ZNF718: variants seen among roughly 807,000 people sequenced by gnomAD.
The protein encoded by ZNF718 is zinc finger protein 718.
ZNF718 carries 3 observed loss-of-function variants against 2.6 expected under a neutral mutation model. That is an observed-to-expected ratio of 1.16 (90% CI 0.53 to 3.01). ZNF718 has a LOEUF of 3.01. ZNF718 is among the 30% of genes most tolerant of loss of function. ZNF718 has a pLI of 0.03. For missense variants in ZNF718, 468 were observed against 230.0 expected (o/e 2.03, Z -6.69); for synonymous variants, 135 against 77.9 (o/e 1.73, Z -3.86).
Position 161,907 on chromosome 4 carries a change from G to GC in ZNF718, c.1223dup (p.Asn409LysfsTer4), listed in dbSNP as rs782649338. 2.6e-6 allele frequency: 2 copies of GC among 779,486 alleles called. No homozygotes were observed. Among genetic ancestry groups the GC allele is most frequent in the Non-Finnish European group, 4.8e-6 (2 of 417,510 alleles). 48.3% of individuals were successfully genotyped at this position (779,486 alleles called of 1,614,324 possible). A position where few individuals can be genotyped will look rare whatever the true frequency, so the allele number is the denominator to read the frequency against. The stretch of plus-strand genomic sequence containing the variant: ...TTGTGGCAAAGCCTTTAAAGTGTTT[G>GC]CAAACCTGCATAATCATAAGAAAAT... On this transcript the variant is annotated frameshift_variant, in exon 4 of 4. Transcript: ENST00000510175. LOFTEE classifies it low-confidence loss of function (END_TRUNC).
chr4:160,110 G>A (rs1234701559), intron 3 of ZNF718, among the ~76,000 whole-genome samples: 1 of 152,108 alleles, frequency 6.6e-6, no homozygotes, highest in South Asian at 2.1e-4. Flanking sequence ...TTTACCTTTG[G>A]TCTCAGCAGA....
chr4:179,584 A>T (rs1717424690), intron 3 of ZNF718, among the ~76,000 whole-genome samples: 1 of 152,212 alleles, frequency 6.6e-6, no homozygotes, highest in Non-Finnish European at 1.5e-5. Flanking sequence ...TAAGGTGAAG[A>T]GAAAGAGTAC....
chr4:200,159 A>G (rs2108819578), intron 3 of ZNF718, among the ~76,000 whole-genome samples: 1 of 152,358 alleles, frequency 6.6e-6, no homozygotes, highest in South Asian at 2.1e-4. Context: ...ATATACACAA[A>G]CACTGCAGAC....
At chr4:165,511 T>G (rs145055423), downstream of ZNF718, among the ~76,000 whole-genome samples, 35 of 152,278 alleles carry the variant, frequency 2.3e-4, no homozygotes, top group East Asian at 2.3e-3. Flanking sequence ...TAGAAATTAA[T>G]TTCTAGGCCG....
At chr4:167,737 A>C (rs1225372380), downstream of ZNF718, among the ~76,000 whole-genome samples, 2 of 152,142 alleles carry the variant, frequency 1.3e-5, no homozygotes, top group Non-Finnish European at 2.9e-5. Flanking sequence ...CTATCAGCTT[A>C]AGGAGATTTT....
At chr4:196,349 G>T (rs1226848586) in intron 3 of ZNF718, among the ~76,000 whole-genome samples, 1 of 152,188 alleles carries the variant, frequency 6.6e-6, no homozygotes, top group Admixed American at 6.5e-5. Flanking sequence ...AATTGGGAGG[G>T]ACACCAGAGA....
chr4:175,208 GT>G (rs1331504020), intron 3 of ZNF718, among the ~76,000 whole-genome samples: 1 of 152,150 alleles, frequency 6.6e-6, no homozygotes, highest in African/African-American at 2.4e-5. Context: ...ACCAACAACC[GT>G]TTTACCCCGC....
chr4:197,880 G>A (rs1381891658), intron 3 of ZNF718, among the ~76,000 whole-genome samples: 2 of 152,224 alleles, frequency 1.3e-5, no homozygotes, highest in Non-Finnish European at 2.9e-5. Context: ...TGGATGACTA[G>A]ATGAATGAAT....
intron 3 of ZNF718, chr4:149,712 T>G (rs1716229805): frequency 6.6e-6 from 1 of 152,174 alleles, no homozygotes; most frequent in African/African-American, 2.4e-5. Flanking sequence ...ATTTATTTTC[T>G]TTGGTGGTCA....
chr4:175,382 A>G (rs1717326362), intron 3 of ZNF718, among the ~76,000 whole-genome samples: 1 of 152,222 alleles, frequency 6.6e-6, no homozygotes, highest in Non-Finnish European at 1.5e-5. Flanking sequence ...AACCCTGGAA[A>G]GACTTTAAGG....
chr4:183,396 T>C (rs1007962388), intron 3 of ZNF718, among the ~76,000 whole-genome samples: 1 of 152,156 alleles, frequency 6.6e-6, no homozygotes, highest in Non-Finnish European at 1.5e-5. Flanking sequence ...TATTTTGGTT[T>C]CTGTAGCCCT....
chr4:182,385 G>C (rs190053988), intron 3 of ZNF718, among the ~76,000 whole-genome samples: 58 of 151,668 alleles, frequency 3.8e-4, no homozygotes, highest in African/African-American at 1.4e-3. Context: ...ATATCTCATT[G>C]TAGTTTTGAT....
At chr4:173,988 C>T (rs919239220) in intron 3 of ZNF718, among the ~76,000 whole-genome samples, 2 of 152,014 alleles carry the variant, frequency 1.3e-5, no homozygotes, top group African/African-American at 4.8e-5. Flanking sequence ...TAATAAACAT[C>T]GTAGGCCCCC....
chr4:138,843 G>C (rs1715687914), intron 3 of ZNF718, among the ~76,000 whole-genome samples: 1 of 151,988 alleles, frequency 6.6e-6, no homozygotes, highest in African/African-American at 2.4e-5. Flanking sequence ...ACTGGGGTGA[G>C]ATAATATCTC....
At chr4:147,470 A>G (rs782257637) in intron 3 of ZNF718, among the ~76,000 whole-genome samples, 5 of 152,158 alleles carry the variant, frequency 3.3e-5, no homozygotes, top group Non-Finnish European at 7.4e-5. Context: ...TCATGTAACT[A>G]CTACCGGGCC....
intron 3 of ZNF718, among the ~76,000 whole-genome samples, chr4:134,248 A>G (rs113792592): frequency 0.78 from 118,005 of 151,832 alleles, 46,167 homozygotes; most frequent in East Asian, 0.96. Context: ...CCGGGTTCAC[A>G]CCATTCTCCT....
intron 3 of ZNF718, among the ~76,000 whole-genome samples, chr4:171,450 T>C (rs1553817954): frequency 6.6e-6 from 1 of 152,174 alleles, no homozygotes; most frequent in East Asian, 1.9e-4. Flanking sequence ...AGGTGGAGTC[T>C]ACAGAGGCAG....
intron 3 of ZNF718, among the ~76,000 whole-genome samples, chr4:181,739 G>T (rs1172699315): frequency 6.6e-6 from 1 of 152,070 alleles, no homozygotes; most frequent in African/African-American, 2.4e-5. Context: ...TGCCATGGTG[G>T]TTTGCTGCAC....
intron 3 of ZNF718, among the ~76,000 whole-genome samples, chr4:137,131 CTTTG>C (rs1560110072): frequency 1.3e-5 from 2 of 152,124 alleles, no homozygotes; most frequent in African/African-American, 4.8e-5. Context: ...GTGACTCACT[CTTTG>C]TTTGCTTTCT....
Sources: gnomAD v4.1 joint callset for allele counts (sites outside exome capture counted in the v4.1 genomes callset) on GRCh38, gnomAD v4.1.1 for gene constraint, MANE v1.5 for transcripts, NCBI Gene and HGNC (gene_info 2026-07-23, HGNC 2026-07-21) for gene names.